Variants in FRMPD4 observed in about 807,000 individuals in gnomAD.
The protein encoded by FRMPD4 is FERM and PDZ domain-containing protein 4.
In FRMPD4, 22 loss-of-function variants were observed where a neutral mutation model predicts 94.1. The observed-to-expected ratio is 0.23, with a 90% confidence interval of 0.17 to 0.33. FRMPD4 has a LOEUF of 0.33. Ranked by LOEUF, FRMPD4 falls within the 10% of genes least tolerant of loss-of-function variation. The pLI, the probability that FRMPD4 is intolerant of heterozygous loss-of-function variation, is 1.00. For missense variants in FRMPD4, 1,111 were observed against 1,339.9 expected (o/e 0.83, Z 2.67); for synonymous variants, 631 against 548.6 (o/e 1.15, Z -2.10).
At chrX:12,262,521 T>C (rs977659204) in intron 1 of FRMPD4, among the ~76,000 whole-genome samples, 2 of 112,164 alleles carry the variant, frequency 1.8e-5, no homozygotes, top group African/African-American at 6.5e-5. Flanking sequence ...TAATCATCTG[T>C]AAATAGGAAT....
At chrX:12,066,871 G>GTTTTTTTTTT (rs201251837) in intron 3 of FRMPD4, among the ~76,000 whole-genome samples, 8 of 100,076 alleles carry the variant, frequency 8.0e-5, no homozygotes, top group Admixed American at 2.2e-4. Flanking sequence ...TTTTGTTTTT[G>GTTTTTTTTTT]TTTTTGTTTT....
At chrX:12,103,802 T>C (rs6640891) in intron 3 of FRMPD4, among the ~76,000 whole-genome samples, 8,647 of 111,861 alleles carry the variant, frequency 0.077, 928 homozygotes, top group East Asian at 0.62. Context: ...AGTTTACATA[T>C]TGGTGAATAG....
intron 1 of FRMPD4, among the ~76,000 whole-genome samples, chrX:12,415,677 T>G (rs2056790783): frequency 8.9e-6 from 1 of 111,910 alleles, no homozygotes; most frequent in Non-Finnish European, 1.9e-5. Flanking sequence ...ATTTCCTGTG[T>G]TGTGTTTGAT....
At chrX:11,958,085 C>T (rs780491107) in intron 3 of FRMPD4, among the ~76,000 whole-genome samples, 40 of 111,914 alleles carry the variant, frequency 3.6e-4, no homozygotes, top group Admixed American at 9.5e-4. Flanking sequence ...GATTTTCAAA[C>T]CTGGTTGATC....
chrX:12,460,952 G>C (rs957962830), intron 1 of FRMPD4, among the ~76,000 whole-genome samples: 1 of 112,047 alleles, frequency 8.9e-6, no homozygotes, highest in African/African-American at 3.2e-5. Context: ...TCTTGGAAGA[G>C]ATTGTCCTTT....
At position 12,609,052 on chromosome X, in the gene FRMPD4, C is replaced by T. The variant is rs776150350; in HGVS notation, c.159-669C>T. 6.1e-4 allele frequency among the ~76,000 whole-genome samples: 69 copies of T among 112,253 alleles called. 1 individual carries two copies. The highest frequency in any genetic ancestry group is 6.0e-4 in the Non-Finnish European group (32 of 53,284). On this transcript the variant is annotated intron_variant, in intron 2 of 16. Transcript: ENST00000675598. ...TTTTGTATGTTATATGCATTATACT[C>T]ATATACTGTATTCTTACAATAAAGT...
chrX:12,063,526 C>T (rs1451109804), intron 3 of FRMPD4, among the ~76,000 whole-genome samples: 1 of 112,308 alleles, frequency 8.9e-6, no homozygotes, highest in African/African-American at 3.2e-5. Flanking sequence ...CAATTAAATC[C>T]ATATATACAT....
intron 3 of FRMPD4, among the ~76,000 whole-genome samples, chrX:12,060,811 A>T (rs1306648316): frequency 9.0e-6 from 1 of 111,719 alleles, no homozygotes; most frequent in East Asian, 2.8e-4. Flanking sequence ...ATGAGTCAAG[A>T]TTATATATGT....
intron 3 of FRMPD4, among the ~76,000 whole-genome samples, chrX:11,984,006 A>C (rs944720765): frequency 9.0e-5 from 10 of 111,617 alleles, no homozygotes; most frequent in Non-Finnish European, 1.9e-4. Context: ...ATGTACTTTA[A>C]AGATTTTTTA....
At chrX:12,418,832 A>G (rs1479975344) in intron 1 of FRMPD4, among the ~76,000 whole-genome samples, 2 of 111,808 alleles carry the variant, frequency 1.8e-5, no homozygotes, top group African/African-American at 6.5e-5. Flanking sequence ...AGCGGAAAAC[A>G]GCCACCATTT....
intron 2 of FRMPD4, among the ~76,000 whole-genome samples, chrX:12,578,366 A>G (rs1438504): frequency 0.23 from 25,830 of 110,702 alleles, 2,507 homozygotes; most frequent in African/African-American, 0.38. Context: ...GACTAGTTTT[A>G]TGTTTTTTTT....
intron 1 of FRMPD4, among the ~76,000 whole-genome samples, chrX:11,851,109 G>C (rs1471822828): frequency 8.9e-6 from 1 of 111,876 alleles, no homozygotes; most frequent in Non-Finnish European, 1.9e-5. Context: ...GGGTGGAAAG[G>C]TGCTAGAGGG....
At chrX:12,573,374 C>T (rs1199228474) in intron 2 of FRMPD4, among the ~76,000 whole-genome samples, 1 of 112,141 alleles carries the variant, frequency 8.9e-6, no homozygotes, top group African/African-American at 3.2e-5. Flanking sequence ...TTTGAAAACT[C>T]TCAGAACAAA....
intron 3 of FRMPD4, among the ~76,000 whole-genome samples, chrX:12,068,245 C>G: frequency 8.9e-6 from 1 of 112,108 alleles, no homozygotes; most frequent in African/African-American, 3.2e-5. Context: ...ACACCTTGAC[C>G]TTGGCCCAGT....
At chrX:12,096,727 T>A (rs996513873) in intron 3 of FRMPD4, among the ~76,000 whole-genome samples, 48 of 111,113 alleles carry the variant, frequency 4.3e-4, no homozygotes, top group Non-Finnish European at 7.9e-4. Context: ...TCTCAAAAAA[T>A]TTTTTAACAA....
chrX:12,138,958 C>T lies in FRMPD4; in HGVS notation c.-14C>T, dbSNP rs745864656. On this transcript the variant is annotated 5_prime_UTR_variant, in exon 1 of 17. Transcript: ENST00000675598. ...CGACGGAGTTGTCGCGCTCGGGGGTCCCCAGCTGCCTGCATGGATGTCTTC... is the reference window on the plus strand; with the variant it reads ...CGACGGAGTTGTCGCGCTCGGGGGTTCCCAGCTGCCTGCATGGATGTCTTC... The T allele has an allele frequency of 1.7e-6, 2 of 1,153,127 alleles. No homozygotes were observed. The highest frequency in any genetic ancestry group is 6.4e-5 in the East Asian group (2 of 31,030).
intron 3 of FRMPD4, among the ~76,000 whole-genome samples, chrX:12,106,451 T>A (rs2177931): frequency 1.8e-5 from 2 of 109,582 alleles, no homozygotes; most frequent in African/African-American, 6.7e-5. Flanking sequence ...TAGGAACAGC[T>A]CCAGTCTACA....
At chrX:12,668,744 A>G (rs1384300384) in intron 4 of FRMPD4, among the ~76,000 whole-genome samples, 1 of 108,846 alleles carries the variant, frequency 9.2e-6, no homozygotes, top group Non-Finnish European at 1.9e-5. Flanking sequence ...AGCTGGGATT[A>G]CAAGCATGTG....
chrX:12,553,464 A>ATATATC (rs1329270126), intron 2 of FRMPD4, among the ~76,000 whole-genome samples: 1 of 90,207 alleles, frequency 1.1e-5, no homozygotes. Context: ...ATATATATAT[A>ATATATC]TATCTAATCC....
Sources: allele counts gnomAD v4.1 joint callset (sites outside exome capture counted in the v4.1 genomes callset), GRCh38; gene constraint gnomAD v4.1.1; transcripts MANE v1.5; gene names NCBI Gene and HGNC (gene_info 2026-07-23, HGNC 2026-07-21).